MYH9: variants seen among roughly 807,000 people sequenced by gnomAD.
MYH9 encodes the protein myosin heavy chain 9, also known as myosin-9.
In MYH9, 29 loss-of-function variants were observed where a neutral mutation model predicts 241.9. The observed-to-expected ratio is 0.12, with a 90% CI of 0.09 to 0.16. MYH9 has a LOEUF of 0.16. Among genes scored for constraint, MYH9 ranks in the 10% least tolerant of loss-of-function variants. MYH9 has a pLI of 1.00. For synonymous variants in MYH9, 1,047 were observed against 1,062.6 expected, an observed-to-expected ratio of 0.99 and a Z score of 0.29; for missense variants, 1,803 against 2,595.5, an observed-to-expected ratio of 0.69 and a Z score of 6.63.
At chr22:36,354,553 T>C (rs2017821130) in intron 1 of MYH9, among the ~76,000 whole-genome samples, 1 of 151,078 alleles carries the variant, frequency 6.6e-6, no homozygotes, top group African/African-American at 2.4e-5. Context: ...CAAGCGATTC[T>C]CCGCTGCAGC....
Position 36,295,420 on chromosome 22 carries a change from G to T in MYH9, c.3485+85C>A, listed in dbSNP as rs535809798. 2,713 of 1,077,604 alleles carry T rather than the reference G, an allele frequency of 2.5e-3. 8 individuals carry two copies. The highest frequency in any genetic ancestry group is 3.1e-3 in the Non-Finnish European group (2,222 of 716,756). The allele number at this position is 1,077,604 out of a possible 1,614,324, so 66.8% of individuals were successfully genotyped here. ...GGCCACGGTGTGTGTGTGTGTGTGT[G>T]TGCAGAGGCCCGGGGTCCATGTCTC... On this transcript the variant is annotated intron_variant, in intron 26 of 40. Transcript: ENST00000216181. This position sits in a 1 kb window ranked among gnomAD's most constrained non-coding sequence, Gnocchi z 4.1.
At chr22:36,359,169 T>C (rs2017899273) in intron 1 of MYH9, among the ~76,000 whole-genome samples, 1 of 152,248 alleles carries the variant, frequency 6.6e-6, no homozygotes, top group Non-Finnish European at 1.5e-5. Flanking sequence ...TGTTCCACTG[T>C]AACCAAACAG....
chr22:36,387,185 C>G (rs992138291), intron 1 of MYH9, among the ~76,000 whole-genome samples: 1 of 152,210 alleles, frequency 6.6e-6, no homozygotes, highest in African/African-American at 2.4e-5. Context: ...CCTCCCCGAC[C>G]AGTCCGACGG....
rs903151967 is a variant in MYH9 at position 36,299,040 on chromosome 22, T to C, written c.2979A>G (p.Glu993=). Residue 993 remains glutamate (E), a splice_region_variant and synonymous_variant, in exon 24 of 41, where the codon GAA becomes GAG. Transcript: ENST00000216181. ...CTATTCTGTCTTCCAGCAGTTTCTT[T>C]TCCTGGGGAGAGGGGAGTAGGCTGG... ...LEDQNCKLAK[E]KKLLEDRIAE... is the part of the protein sequence containing the mutation. The C allele has an allele frequency of 3.7e-6, 6 of 1,614,076 alleles. No homozygotes were observed. Among genetic ancestry groups the C allele is most frequent in the Admixed American group, 1.7e-5 (1 of 60,026 alleles).
intron 1 of MYH9, among the ~76,000 whole-genome samples, chr22:36,387,593 T>C (rs112378630): frequency 0.14 from 21,637 of 151,384 alleles, 2,037 homozygotes; most frequent in African/African-American, 0.26. Context: ...GCCTCGCTGC[T>C]GCCGGCGCCC....
intron 3 of MYH9, among the ~76,000 whole-genome samples, chr22:36,335,075 C>G (rs983131869): frequency 6.6e-6 from 1 of 152,166 alleles, no homozygotes; most frequent in Non-Finnish European, 1.5e-5. Context: ...ATCAAAGGCC[C>G]GTACCCACCC....
At chr22:36,364,152 C>T (rs1286503054) in intron 1 of MYH9, among the ~76,000 whole-genome samples, 2 of 152,214 alleles carry the variant, frequency 1.3e-5, no homozygotes, top group Non-Finnish European at 2.9e-5. Flanking sequence ...TTGAAGGTTG[C>T]TCAGCCTAGA....
intron 27 of MYH9, 26 bp downstream of exon 27, chr22:36,294,906 C>G (rs370466704): frequency 1.3e-5 from 21 of 1,609,156 alleles, no homozygotes; most frequent in Admixed American, 6.7e-5. Flanking sequence ...CTGCCCTCCC[C>G]CTGCGGTCTC....
intron 3 of MYH9, among the ~76,000 whole-genome samples, chr22:36,331,991 G>C (rs906940785): frequency 5.3e-5 from 8 of 152,194 alleles, no homozygotes; most frequent in Admixed American, 1.3e-4. Flanking sequence ...GTGGCCCCTG[G>C]GGGGTGGCTT....
At position 36,282,650 on chromosome 22, in the gene MYH9, G is replaced by A; in HGVS notation, c.*18C>T. 6.2e-7 allele frequency: 1 copy of A among 1,609,476 alleles called. No individual in the cohort carries two copies. Among genetic ancestry groups the A allele is most frequent in the East Asian group, 2.2e-5 (1 of 44,872 alleles). On this transcript the variant is annotated 3_prime_UTR_variant, in exon 41 of 41. Transcript: ENST00000216181. Reference sequence around the variant, plus strand: ...GGTGTCTGTCTGTCCATCCATCTCAGGCTGCAGGAGAAGAGGCTTATTCGG... The same window carrying A: ...GGTGTCTGTCTGTCCATCCATCTCAAGCTGCAGGAGAAGAGGCTTATTCGG...
At chr22:36,344,177 C>T (rs775433739) in intron 2 of MYH9, among the ~76,000 whole-genome samples, 1 of 152,254 alleles carries the variant, frequency 6.6e-6, no homozygotes. Context: ...AGGAGATTCA[C>T]TGGATGCTCG....
At chr22:36,346,387 A>C (rs926945733) in intron 2 of MYH9, among the ~76,000 whole-genome samples, 1 of 152,240 alleles carries the variant, frequency 6.6e-6, no homozygotes, top group African/African-American at 2.4e-5. Flanking sequence ...AGCACATTGC[A>C]GGGCACTCAG....
In MYH9 at chr22:36,300,979, C is replaced by A; in HGVS notation, c.2710G>T (p.Ala904Ser). 2 of 1,611,822 alleles carry A rather than the reference C, an allele frequency of 1.2e-6. No individual in the cohort carries two copies. The highest frequency in any genetic ancestry group is 2.2e-5 in the South Asian group (2 of 91,080). Residue 904 changes from alanine to serine, a missense_variant, in exon 22 of 41, where the codon GCC (alanine) becomes TCC (serine). This residue lies in a region of MYH9 where 290 missense variants were observed against 360.5 expected (regional missense o/e 0.80). Transcript: ENST00000216181. This position sits in a 1 kb window ranked among gnomAD's most constrained non-coding sequence, Gnocchi z 5.0. ...ELCAEAEELR[A>S]RLTAKKQELE... Reference sequence around the variant, plus strand: ...TCCTGCTTCTTGGCGGTCAGGCGGGCCCGGAGCTCCTCAGCCTCGGCACAC... The same window carrying A: ...TCCTGCTTCTTGGCGGTCAGGCGGGACCGGAGCTCCTCAGCCTCGGCACAC...
Position 36,318,254 on chromosome 22 carries a change from T to C in MYH9, c.1180A>G (p.Ile394Val). 1 of 1,614,186 alleles carries C rather than the reference T, an allele frequency of 6.2e-7. No individual in the cohort carries two copies. Among genetic ancestry groups the C allele is most frequent in the Non-Finnish European group, 8.5e-7 (1 of 1,180,042 alleles). Residue 394 changes from isoleucine to valine, a missense_variant, in exon 11 of 41, where the codon ATC becomes GTC. Ile to Val is a conservative substitution (Grantham distance 29). Around this residue, in one of 11 missense-constraint regions of MYH9, gnomAD observed 222 missense variants for 359.9 expected, o/e 0.62. Coordinates refer to ENST00000216181, the MANE Select transcript of MYH9 (RefSeq NM_002473.6). ...DFTRGILTPR[I>V]KVGRDYVQKA... The stretch of plus-strand genomic sequence containing the variant: ...TGGACGTAATCCCGTCCCACCTTGA[T>C]GCGCGGGGTGAGGATTCCTCTGGTG...
intron 24 of MYH9, among the ~76,000 whole-genome samples, chr22:36,297,887 A>T (rs2016813316): frequency 6.6e-6 from 1 of 152,182 alleles, no homozygotes; most frequent in Admixed American, 6.5e-5. Flanking sequence ...GCCGTCTACC[A>T]GTTTGCAGTC....
intron 1 of MYH9, among the ~76,000 whole-genome samples, chr22:36,362,017 C>T (rs1193944066): frequency 2.0e-5 from 3 of 152,048 alleles, no homozygotes; most frequent in Non-Finnish European, 4.4e-5. Flanking sequence ...TGCAGTGAGC[C>T]GAAATTGCGC....
At position 36,332,447 on chromosome 22, in the gene MYH9, G is replaced by A. The variant is rs1181368218; in HGVS notation, c.491-4959C>T. On this transcript the variant is annotated intron_variant, in intron 3 of 40. Transcript: ENST00000216181. ...GCACACAATGTGGTCATGGGCGAGT[G>A]TGCCCTCCAGGCCACCACGGTAGGC... Among the ~76,000 whole-genome samples the A allele has an allele frequency of 2.6e-5, 4 of 152,058 alleles. No individual in the cohort carries two copies. In the East Asian group the frequency reaches 7.7e-4, roughly 29 times the overall value.
At chr22:36,337,997 CT>C (rs80110900) in intron 3 of MYH9, among the ~76,000 whole-genome samples, 4,173 of 142,308 alleles carry the variant, frequency 0.029, 147 homozygotes, top group African/African-American at 0.089. Context: ...ACTTTCTTTT[CT>C]TTTTTTTTTT....
intron 40 of MYH9, 80 bp downstream of exon 40, chr22:36,284,013 C>T: frequency 1.3e-6 from 2 of 1,545,756 alleles, no homozygotes; most frequent in Non-Finnish European, 1.8e-6. Flanking sequence ...TCGTGCCTTG[C>T]TTGTGGGCTC....
Sources: allele counts gnomAD v4.1 joint callset (sites outside exome capture counted in the v4.1 genomes callset), GRCh38; gene constraint gnomAD v4.1.1; regional missense constraint gnomAD v4.1.1; non-coding constraint Gnocchi (gnomAD v3.1); transcripts MANE v1.5; gene names NCBI Gene and HGNC (gene_info 2026-07-23, HGNC 2026-07-21).